Variants in STK31 observed in about 807,000 individuals in gnomAD.
STK31 encodes serine/threonine kinase 31.
Under a neutral mutation model 129.7 loss-of-function variants are expected in STK31, and 89 were observed. That is an observed-to-expected ratio of 0.69 (90% CI 0.58 to 0.82). The LOEUF is 0.82. Among genes scored for constraint, STK31 ranks in the 40% least tolerant of loss-of-function variants. The pLI, the probability that STK31 is intolerant of heterozygous loss-of-function variation, is 0.00. For missense variants in STK31, 1,187 were observed against 1,176.4 expected (o/e 1.01, Z -0.13); for synonymous variants, 448 against 395.3 (o/e 1.13, Z -1.58).
At chr7:23,763,710 G>A (rs560936950) in intron 11 of STK31, among the ~76,000 whole-genome samples, 51 of 152,034 alleles carry the variant, frequency 3.4e-4, no homozygotes, top group African/African-American at 1.2e-3. Context: ...GTTCTCATTT[G>A]TCTGTTGATA....
chr7:23,713,569 T>G (rs1786109110), intron 3 of STK31, among the ~76,000 whole-genome samples: 1 of 152,220 alleles, frequency 6.6e-6, no homozygotes, highest in Non-Finnish European at 1.5e-5. Flanking sequence ...TGTAGAGCTG[T>G]GCAAAAATAT....
intron 4 of STK31, among the ~76,000 whole-genome samples, chr7:23,720,403 T>G (rs769916068): frequency 1.3e-5 from 2 of 152,196 alleles, no homozygotes; most frequent in Non-Finnish European, 2.9e-5. Context: ...CCCTGCTACT[T>G]AGAGACAGCC....
chr7:23,815,859 G>T (rs1245298697), intron 23 of STK31, among the ~76,000 whole-genome samples: 1 of 149,286 alleles, frequency 6.7e-6, no homozygotes, highest in Non-Finnish European at 1.5e-5. Context: ...TTTTAGTTCT[G>T]CAAAGAAAGG....
chr7:23,790,742 G>A (rs1791564826), intron 21 of STK31, 82 bp from the exon 22 acceptor site: 25 of 1,251,454 alleles, frequency 2.0e-5, no homozygotes, highest in Non-Finnish European at 2.6e-5. Flanking sequence ...TTTGTTTTTT[G>A]TATTGATTAA....
chr7:23,762,748 T>G, intron 10 of STK31, 53 bp from the exon 11 acceptor site: 1 of 1,590,664 alleles, frequency 6.3e-7, no homozygotes, highest in Non-Finnish European at 8.5e-7. Flanking sequence ...ATAGGTCATA[T>G]GCGGAAAAGA....
At chr7:23,716,316 C>T (rs1752570570) in intron 3 of STK31, among the ~76,000 whole-genome samples, 1 of 152,126 alleles carries the variant, frequency 6.6e-6, no homozygotes. Flanking sequence ...CTCAGTATAT[C>T]ATATTGGGGT....
chr7:23,780,811 G>A (rs1353949858), intron 15 of STK31, among the ~76,000 whole-genome samples: 2 of 152,192 alleles, frequency 1.3e-5, no homozygotes, highest in Admixed American at 6.5e-5. Flanking sequence ...TGAGCAAATT[G>A]TGAGAGAGGT....
Position 23,786,641 on chromosome 7 carries a change from T to C in STK31, c.2400+8T>C. The C allele has an allele frequency of 6.2e-7, 1 of 1,609,408 alleles. No individual in the cohort carries two copies. Among genetic ancestry groups the C allele is most frequent in the Non-Finnish European group, 8.5e-7 (1 of 1,178,886 alleles). Reference sequence around the variant, plus strand: ...TTCCTGTTTTTATGTAAGGTAAAGTTCTTATGCTAATCTCTTGCAGAAACC... The same window carrying C: ...TTCCTGTTTTTATGTAAGGTAAAGTCCTTATGCTAATCTCTTGCAGAAACC... On this transcript the variant is annotated splice_region_variant and intron_variant, in intron 19 of 23. Coordinates refer to ENST00000355870, the MANE Select transcript of STK31 (RefSeq NM_031414.5).
chr7:23,801,209 G>A (rs1253180716), intron 22 of STK31, among the ~76,000 whole-genome samples: 6 of 152,058 alleles, frequency 3.9e-5, no homozygotes, highest in African/African-American at 7.2e-5. Flanking sequence ...CATCATTGTC[G>A]GCACCTCGTA....
At chr7:23,814,931 T>C (rs1032864516) in intron 22 of STK31, among the ~76,000 whole-genome samples, 2 of 152,172 alleles carry the variant, frequency 1.3e-5, no homozygotes, top group African/African-American at 4.8e-5. Context: ...TTATAGTGTG[T>C]ACATCCCCTC....
At chr7:23,719,526 C>T (rs1329499540) in intron 4 of STK31, among the ~76,000 whole-genome samples, 3 of 152,006 alleles carry the variant, frequency 2.0e-5, no homozygotes, top group Non-Finnish European at 4.4e-5. Flanking sequence ...TCTAAAGCAA[C>T]ATTTAACTCA....
At chr7:23,753,636 T>G (rs536872275) in intron 9 of STK31, among the ~76,000 whole-genome samples, 6 of 152,362 alleles carry the variant, frequency 3.9e-5, no homozygotes, top group Admixed American at 3.9e-4. Flanking sequence ...TGTTTGTTTT[T>G]GAACCTGTGG....
At chr7:23,736,617 A>G (rs1433160756) in intron 7 of STK31, among the ~76,000 whole-genome samples, 1 of 151,960 alleles carries the variant, frequency 6.6e-6, no homozygotes, top group Non-Finnish European at 1.5e-5. Context: ...CTGGAAAAAA[A>G]CTAATACAGA....
At chr7:23,783,367 G>T (rs185270485) in intron 16 of STK31, among the ~76,000 whole-genome samples, 9 of 152,230 alleles carry the variant, frequency 5.9e-5, no homozygotes, top group Non-Finnish European at 8.8e-5. Flanking sequence ...ATAGAAGTAC[G>T]GAGTCCTTCT....
intron 4 of STK31, chr7:23,725,926 T>C (rs1308208219): frequency 1.3e-5 from 2 of 152,202 alleles, no homozygotes; most frequent in African/African-American, 2.4e-5. Flanking sequence ...GGAGCCAGTG[T>C]CTGTAGATTA....
intron 8 of STK31, among the ~76,000 whole-genome samples, 171 bp downstream of exon 8, chr7:23,737,249 T>C (rs1243752140): frequency 6.6e-6 from 1 of 152,238 alleles, no homozygotes; most frequent in Non-Finnish European, 1.5e-5. Flanking sequence ...AGACTAATCA[T>C]CTTTGGATTT....
chr7:23,776,464 C>G (rs1341079148), intron 15 of STK31, among the ~76,000 whole-genome samples: 1 of 152,078 alleles, frequency 6.6e-6, no homozygotes, highest in Non-Finnish European at 1.5e-5. Flanking sequence ...TGGTCCTGGA[C>G]TTTTTTTGGT....
chr7:23,787,912 A>G, intron 20 of STK31, 68 bp from the exon 21 acceptor site: 1 of 1,406,216 alleles, frequency 7.1e-7, no homozygotes, highest in Non-Finnish European at 9.4e-7. Flanking sequence ...TCTTTTAATT[A>G]GAGAACAGTT....
At chr7:23,788,848 C>A (rs1020068655) in intron 21 of STK31, among the ~76,000 whole-genome samples, 8 of 152,076 alleles carry the variant, frequency 5.3e-5, no homozygotes. Context: ...GTATACAATT[C>A]ATTAATAGTT....
Sources: gnomAD v4.1 joint callset for allele counts (sites outside exome capture counted in the v4.1 genomes callset) on GRCh38, gnomAD v4.1.1 for gene constraint, MANE v1.5 for transcripts, NCBI Gene and HGNC (gene_info 2026-07-23, HGNC 2026-07-21) for gene names.